Variants in EHBP1 observed in about 807,000 individuals in gnomAD.
EHBP1 encodes EH domain binding protein 1.
Under a neutral mutation model 144.0 loss-of-function variants are expected in EHBP1, and 55 were observed. The ratio of observed to expected loss-of-function variants is 0.38; its 90% CI spans 0.31 to 0.48. The LOEUF (loss-of-function observed/expected upper bound fraction) is 0.48, where lower values mean the gene tolerates loss of function less well. Among genes scored for constraint, EHBP1 ranks in the 20% least tolerant of loss-of-function variants. The pLI is 0.98. For missense variants in EHBP1, 1,200 were observed against 1,364.2 expected, an observed-to-expected ratio of 0.88 and a Z score of 1.90; for synonymous variants, 469 against 472.7, an observed-to-expected ratio of 0.99 and a Z score of 0.10.
At chr2:62,810,496 A>G (rs2044900207) in intron 5 of EHBP1, among the ~76,000 whole-genome samples, 2 of 152,242 alleles carry the variant, frequency 1.3e-5, no homozygotes, top group South Asian at 4.1e-4. Context: ...TGATGGTGGT[A>G]TAATTCACTA....
chr2:62,931,814 T>C (rs936035714), intron 10 of EHBP1, among the ~76,000 whole-genome samples: 4 of 152,044 alleles, frequency 2.6e-5, no homozygotes, highest in African/African-American at 4.8e-5. Context: ...AGTTATCCAG[T>C]TGAAAAAGCG....
intron 5 of EHBP1, among the ~76,000 whole-genome samples, chr2:62,794,079 A>G (rs2043361549): frequency 6.6e-6 from 1 of 152,124 alleles, no homozygotes; most frequent in South Asian, 2.1e-4. Context: ...TAAGAATAAA[A>G]CAGAGAGCTG....
intron 5 of EHBP1, among the ~76,000 whole-genome samples, chr2:62,814,573 A>G (rs1029154651): frequency 5.9e-5 from 9 of 152,230 alleles, no homozygotes; most frequent in African/African-American, 1.9e-4. Flanking sequence ...AACAGAACTT[A>G]AGAGTTCTGA....
intron 10 of EHBP1, among the ~76,000 whole-genome samples, chr2:62,877,201 G>A (rs1281158536): frequency 6.6e-6 from 1 of 152,132 alleles, no homozygotes; most frequent in Admixed American, 6.5e-5. Flanking sequence ...AGGAGGGGTT[G>A]CTATTCTAAT....
intron 5 of EHBP1, among the ~76,000 whole-genome samples, chr2:62,825,336 C>CTAAATTCCA (rs2046269679): frequency 6.6e-6 from 1 of 151,958 alleles, no homozygotes; most frequent in Non-Finnish European, 1.5e-5. Flanking sequence ...AACATAATAA[C>CTAAATTCCA]TTTAGTAATG....
chr2:62,818,003 A>G (rs2045573709), intron 5 of EHBP1, among the ~76,000 whole-genome samples: 1 of 152,038 alleles, frequency 6.6e-6, no homozygotes, highest in Admixed American at 6.5e-5. Context: ...TGCTCCTGTC[A>G]TAAAAGTGGA....
intron 10 of EHBP1, among the ~76,000 whole-genome samples, chr2:62,895,009 T>C (rs533890593): frequency 3.3e-5 from 5 of 152,170 alleles, no homozygotes; most frequent in East Asian, 3.9e-4. Context: ...GATACAGCTA[T>C]GTATTTGAAA....
At chr2:62,750,390 T>TGTA (rs1239214865) in intron 3 of EHBP1, among the ~76,000 whole-genome samples, 1 of 152,160 alleles carries the variant, frequency 6.6e-6, no homozygotes, top group African/African-American at 2.4e-5. Context: ...ACTGTAGCCT[T>TGTA]GTAGTATAGT....
chr2:62,759,138 A>G (rs1436801182), intron 3 of EHBP1, among the ~76,000 whole-genome samples: 1 of 152,190 alleles, frequency 6.6e-6, no homozygotes, highest in African/African-American at 2.4e-5. Context: ...GGTTTTTGGC[A>G]GATGTCAAAG....
rs1340574624 is a variant in EHBP1, at chr2:63,045,700, G to A, written c.*200G>A. 1.9e-6 allele frequency: 1 copy of A among 529,098 alleles called. No individual in the cohort carries two copies. 32.8% of individuals were successfully genotyped at this position (529,098 alleles called of 1,614,324 possible). On this transcript the variant is annotated 3_prime_UTR_variant, in exon 23 of 23. Coordinates refer to ENST00000431489, the MANE Select transcript of EHBP1 (RefSeq NM_001142616.3). The surrounding 1 kb of genome is among the most constrained non-coding windows in gnomAD (Gnocchi z 5.7). ...AGAACTCCAAAATAGCTTCATTTAAGGATTTTTTTGTGAGTTAACAATTTC... is the reference window on the plus strand; with the variant it reads ...AGAACTCCAAAATAGCTTCATTTAAAGATTTTTTTGTGAGTTAACAATTTC...
exon 1 of EHBP1, chr2:62,673,972 A>C: frequency 6.4e-6 from 3 of 468,388 alleles, no homozygotes; most frequent in Non-Finnish European, 1.3e-5. Flanking sequence ...TTGCTAGGAC[A>C]CAAGGTTAGC....
rs143488686 is a variant in EHBP1, at chr2:62,859,222, G to T, written c.688G>T (p.Val230Leu). ...TGAAGCAGAAAAGGACTTGGCCACCGTGAATTCAAATCCATTTGATGATCC... is the reference window on the plus strand; with the variant it reads ...TGAAGCAGAAAAGGACTTGGCCACCTTGAATTCAAATCCATTTGATGATCC... ...LDEAEKDLAT[V>L]NSNPFDDPDA... is the part of the protein sequence containing the mutation. Residue 230 changes from valine (V) to leucine (L), a missense_variant, in exon 8 of 23, where the codon GTG becomes TTG. Coordinates refer to ENST00000431489, the MANE Select transcript of EHBP1 (RefSeq NM_001142616.3). The T allele has an allele frequency of 1.2e-6, 2 of 1,611,104 alleles. No homozygotes were observed. Among genetic ancestry groups the T allele is most frequent in the Admixed American group, 1.7e-5 (1 of 59,958 alleles).
intron 2 of EHBP1, among the ~76,000 whole-genome samples, chr2:62,725,089 G>T (rs948290238): frequency 2.0e-5 from 3 of 152,178 alleles, no homozygotes; most frequent in Non-Finnish European, 4.4e-5. Flanking sequence ...TGGACTGTGT[G>T]CTCTAACTCT....
intron 14 of EHBP1, among the ~76,000 whole-genome samples, chr2:62,957,145 A>G (rs1240101492): frequency 6.6e-6 from 1 of 152,222 alleles, no homozygotes; most frequent in Non-Finnish European, 1.5e-5. Flanking sequence ...AAGTTAACAT[A>G]CCATGGTCAA....
chr2:62,973,901 G>A (rs2153182296), intron 14 of EHBP1, among the ~76,000 whole-genome samples: 1 of 152,204 alleles, frequency 6.6e-6, no homozygotes, highest in East Asian at 1.9e-4. Context: ...CGGGGTGGTG[G>A]CAGGGCTGAG....
intron 10 of EHBP1, among the ~76,000 whole-genome samples, chr2:62,878,143 T>C (rs1051245559): frequency 2.5e-4 from 38 of 152,174 alleles, no homozygotes; most frequent in African/African-American, 9.2e-4. Context: ...AAAGGAGACA[T>C]TACCACCAAC....
At chr2:62,757,975 G>T (rs2040449089) in intron 3 of EHBP1, among the ~76,000 whole-genome samples, 1 of 150,932 alleles carries the variant, frequency 6.6e-6, no homozygotes, top group African/African-American at 2.4e-5. Flanking sequence ...TAGCGCCACT[G>T]CGCTCTGGCC....
chr2:62,956,688 GA>G (rs552448173), intron 14 of EHBP1, among the ~76,000 whole-genome samples: 2,211 of 107,448 alleles, frequency 0.021, 41 homozygotes, highest in African/African-American at 0.064. Context: ...TCTACTTACA[GA>G]AAAAAAAAAA....
At chr2:62,925,352 G>A (rs1247172912) in intron 10 of EHBP1, among the ~76,000 whole-genome samples, 2 of 151,306 alleles carry the variant, frequency 1.3e-5, no homozygotes, top group African/African-American at 4.9e-5. Context: ...TCTAAGGAGA[G>A]CAATTAGGCA....
Sources: allele counts gnomAD v4.1 joint callset (sites outside exome capture counted in the v4.1 genomes callset), GRCh38; gene constraint gnomAD v4.1.1; non-coding constraint Gnocchi (gnomAD v3.1); transcripts MANE v1.5; gene names NCBI Gene and HGNC (gene_info 2026-07-23, HGNC 2026-07-21).